Variants in LRRTM4 observed in about 807,000 individuals in gnomAD.
The protein encoded by LRRTM4 is leucine rich repeat transmembrane neuronal 4.
Under a neutral mutation model 47.6 loss-of-function variants are expected in LRRTM4, and 25 were observed. That is an observed-to-expected ratio of 0.53 (90% CI 0.38 to 0.73). LRRTM4 has a LOEUF of 0.73. Among genes scored for constraint, LRRTM4 ranks in the 30% least tolerant of loss-of-function variants. LRRTM4 has a pLI of 0.00. For synonymous variants in LRRTM4, 311 were observed against 269.5 expected (o/e 1.15, Z -1.51); for missense variants, 638 against 713.4 (o/e 0.89, Z 1.20).
chr2:77,027,514 T>A (rs553453212), intron 3 of LRRTM4, among the ~76,000 whole-genome samples: 149 of 152,160 alleles, frequency 9.8e-4, no homozygotes, highest in Non-Finnish European at 1.7e-3. Flanking sequence ...CACTCAAGGG[T>A]CTTATGGTGG....
At chr2:76,757,768 A>G (rs762188927) in intron 3 of LRRTM4, among the ~76,000 whole-genome samples, 9 of 152,280 alleles carry the variant, frequency 5.9e-5, no homozygotes, top group Non-Finnish European at 7.4e-5. Context: ...TTAATGACAT[A>G]CAGAAGACAA....
intron 3 of LRRTM4, among the ~76,000 whole-genome samples, chr2:77,468,245 A>AT (rs902108410): frequency 5.3e-5 from 8 of 151,584 alleles, no homozygotes; most frequent in African/African-American, 7.3e-5. Flanking sequence ...GGTATCACTG[A>AT]TTTTTTTTTC....
At chr2:76,904,908 G>A (rs112226932) in intron 3 of LRRTM4, among the ~76,000 whole-genome samples, 50 of 152,304 alleles carry the variant, frequency 3.3e-4, no homozygotes, top group African/African-American at 1.1e-3. Flanking sequence ...TGGCCAAATA[G>A]GAACAGCTTC....
At chr2:77,113,180 G>A (rs1671296439) in intron 3 of LRRTM4, among the ~76,000 whole-genome samples, 2 of 152,036 alleles carry the variant, frequency 1.3e-5, no homozygotes, top group South Asian at 4.2e-4. Context: ...TAATTAGAAT[G>A]CCATCAGCCC....
At chr2:77,251,291 GT>G (rs1675609598) in intron 3 of LRRTM4, among the ~76,000 whole-genome samples, 1 of 149,714 alleles carries the variant, frequency 6.7e-6, no homozygotes, top group South Asian at 2.1e-4. Flanking sequence ...GGGCTTTGGG[GT>G]TTTTAGCCAC....
intron 3 of LRRTM4, among the ~76,000 whole-genome samples, chr2:76,877,578 A>T (rs1330058724): frequency 6.6e-6 from 1 of 152,198 alleles, no homozygotes; most frequent in Admixed American, 6.5e-5. Flanking sequence ...CATTCTAACA[A>T]TAAACTAGAA....
intron 3 of LRRTM4, among the ~76,000 whole-genome samples, chr2:77,007,859 T>A (rs1470875643): frequency 6.6e-6 from 1 of 152,140 alleles, no homozygotes; most frequent in African/African-American, 2.4e-5. Flanking sequence ...ATCTACACCA[T>A]CCAACAAAAG....
At chr2:76,911,062 T>C (rs1333301005) in intron 3 of LRRTM4, among the ~76,000 whole-genome samples, 1 of 152,364 alleles carries the variant, frequency 6.6e-6, no homozygotes, top group South Asian at 2.1e-4. Context: ...TCATAATAGT[T>C]ACACATTTTT....
chr2:76,894,798 A>C (rs970358364), intron 3 of LRRTM4, among the ~76,000 whole-genome samples: 1 of 151,834 alleles, frequency 6.6e-6, no homozygotes, highest in Non-Finnish European at 1.5e-5. Context: ...TTTGCATATA[A>C]ATATACAATT....
At chr2:76,873,533 T>TATATATATATATAC (rs1174673622) in intron 3 of LRRTM4, among the ~76,000 whole-genome samples, 135 of 145,184 alleles carry the variant, frequency 9.3e-4, no homozygotes, top group Middle Eastern at 3.6e-3. Flanking sequence ...TATATATATA[T>TATATATATATATAC]ACAACATAGT....
intron 3 of LRRTM4, among the ~76,000 whole-genome samples, chr2:77,320,120 G>A (rs936504057): frequency 3.3e-5 from 5 of 151,438 alleles, no homozygotes; most frequent in South Asian, 2.1e-4. Flanking sequence ...TAGATACTAC[G>A]TACTCTGAGG....
intron 3 of LRRTM4, among the ~76,000 whole-genome samples, chr2:77,100,762 GGTA>G (rs959811438): frequency 3.3e-5 from 5 of 151,632 alleles, no homozygotes; most frequent in African/African-American, 1.2e-4. Flanking sequence ...ATAATGGTAT[GGTA>G]GTCATCAAAA....
chr2:77,171,590 T>G (rs2103835118), intron 3 of LRRTM4, among the ~76,000 whole-genome samples: 1 of 152,116 alleles, frequency 6.6e-6, no homozygotes. Flanking sequence ...TTTATGTTTT[T>G]AAGAGCTTAA....
intron 3 of LRRTM4, among the ~76,000 whole-genome samples, chr2:76,814,746 C>A (rs1670848814): frequency 6.6e-6 from 1 of 151,540 alleles, no homozygotes; most frequent in African/African-American, 2.4e-5. Context: ...CCCACAGATA[C>A]AAAGGGATGA....
intron 3 of LRRTM4, among the ~76,000 whole-genome samples, chr2:76,791,610 A>G (rs1245011184): frequency 6.6e-6 from 1 of 152,186 alleles, no homozygotes; most frequent in East Asian, 1.9e-4. Context: ...AAACACAGTA[A>G]ATGCTTCAGA....
At chr2:77,202,111 C>G (rs1417973996) in intron 3 of LRRTM4, among the ~76,000 whole-genome samples, 3 of 151,912 alleles carry the variant, frequency 2.0e-5, no homozygotes, top group African/African-American at 7.3e-5. Context: ...TGAGAGGATA[C>G]CAGGAATGTT....
intron 3 of LRRTM4, among the ~76,000 whole-genome samples, chr2:77,016,246 C>T (rs562486299): frequency 4.6e-5 from 7 of 151,800 alleles, no homozygotes; most frequent in East Asian, 2.0e-4. Context: ...ATTAGCTGGG[C>T]GTGGTGGCAG....
At chr2:77,232,031 A>T (rs1309290509) in intron 3 of LRRTM4, among the ~76,000 whole-genome samples, 2 of 152,312 alleles carry the variant, frequency 1.3e-5, no homozygotes, top group African/African-American at 4.8e-5. Context: ...AGCAAAGCAA[A>T]GTTGTTACAT....
chr2:77,119,601 G>T (rs1055480557), intron 3 of LRRTM4, among the ~76,000 whole-genome samples: 1 of 151,834 alleles, frequency 6.6e-6, no homozygotes, highest in Non-Finnish European at 1.5e-5. Context: ...ATAGAGCAAT[G>T]AAGAGAGATT....
Sources: gnomAD v4.1 joint callset for allele counts (sites outside exome capture counted in the v4.1 genomes callset) on GRCh38, gnomAD v4.1.1 for gene constraint, MANE v1.5 for transcripts, NCBI Gene and HGNC (gene_info 2026-07-23, HGNC 2026-07-21) for gene names.